Variants in CELSR3 observed in about 807,000 individuals in gnomAD.
CELSR3 encodes the protein cadherin EGF LAG seven-pass G-type receptor 3.
CELSR3 carries 73 observed loss-of-function variants against 270.0 expected under a neutral mutation model. The observed-to-expected ratio is 0.27, with a 90% CI of 0.22 to 0.33. CELSR3 has a LOEUF of 0.33. Ranked by LOEUF, CELSR3 falls within the 10% of genes least tolerant of loss-of-function variation. The pLI is 1.00. For synonymous variants in CELSR3, 1,780 were observed against 1,905.4 expected, an observed-to-expected ratio of 0.93 and a Z score of 1.71; for missense variants, 3,614 against 4,533.8, an observed-to-expected ratio of 0.80 and a Z score of 5.83.
At chr3:48,656,399 C>G (rs1354543614) in intron 2 of CELSR3, 34 bp from the exon 3 acceptor site, 10 of 1,388,144 alleles carry the variant, frequency 7.2e-6, no homozygotes, top group Non-Finnish European at 1.9e-6. Flanking sequence ...GGCGGTCACG[C>G]CCACGCCCGC....
In CELSR3 at chr3:48,640,037, T is replaced by A; in HGVS notation, c.9548A>T (p.Asp3183Val). ...CAGCGGCCGGGATGGCAAGAGGGGG[T>A]CCCTTGAGAGTTGCCGCTGGGGAGA... ...PLSPQRQLSR[D>V]PLLPSRPLDS... Residue 3183 changes from aspartate (D) to valine (V), a missense_variant, in exon 34 of 35, where the codon GAC (aspartate) becomes GTC (valine). Asp to Val is a radical substitution (Grantham distance 152). Coordinates refer to ENST00000164024, the MANE Select transcript of CELSR3 (RefSeq NM_001407.3). The surrounding 1 kb of genome is among the most constrained non-coding windows in gnomAD (Gnocchi z 7.5). 1 of 1,610,200 alleles carries A rather than the reference T, an allele frequency of 6.2e-7. No individual in the cohort carries two copies. Among genetic ancestry groups the A allele is most frequent in the Non-Finnish European group, 8.5e-7 (1 of 1,179,492 alleles).
chr3:48,650,745 G>C lies in CELSR3; in HGVS notation c.6370+147C>G. 1.9e-6 allele frequency: 2 copies of C among 1,062,456 alleles called. No individual in the cohort carries two copies. The highest frequency in any genetic ancestry group is 2.7e-6 in the Non-Finnish European group (2 of 742,174). 65.8% of individuals were successfully genotyped at this position (1,062,456 alleles called of 1,614,324 possible). On this transcript the variant is annotated intron_variant, in intron 15 of 34. Transcript: ENST00000164024. The surrounding 1 kb of genome is among the most constrained non-coding windows in gnomAD (Gnocchi z 5.1). ...TCTGTGACAGGTCAGCAAAGTACTT[G>C]GGGCAAAGGTAGGGTTCCCTGGGTG...
chr3:48,643,139 TA>T (rs2047045340), intron 28 of CELSR3, 56 bp from the exon 29 acceptor site: 1 of 1,179,242 alleles, frequency 8.5e-7, no homozygotes, highest in Admixed American at 1.7e-5. Context: ...GGGACCAGTA[TA>T]AGTCACTGTG....
At position 48,642,262 on chromosome 3, in the gene CELSR3, C is replaced by T; in HGVS notation, c.8665+96G>A. On this transcript the variant is annotated intron_variant, in intron 31 of 34. Transcript: ENST00000164024. The surrounding 1 kb of genome is among the most constrained non-coding windows in gnomAD (Gnocchi z 6.1). ...AGGGACCCTGGGGGAGATCGTCCCA[C>T]CCCAGTCAGCCACTGCTCCCAGTAT... is the stretch of plus-strand genomic sequence containing the variant. 1 of 1,339,034 alleles carries T rather than the reference C, an allele frequency of 7.5e-7. No homozygotes were observed. Among genetic ancestry groups the T allele is most frequent in the Non-Finnish European group, 1.0e-6 (1 of 982,990 alleles). The allele number at this position is 1,339,034 out of a possible 1,614,324, so 82.9% of individuals were successfully genotyped here.
Position 48,637,285 on chromosome 3 carries a change from C to T in CELSR3, c.*920G>A, listed in dbSNP as rs2046980043. On this transcript the variant is annotated 3_prime_UTR_variant, in exon 35 of 35. Coordinates refer to ENST00000164024, the MANE Select transcript of CELSR3 (RefSeq NM_001407.3). Reference sequence around the variant, plus strand: ...TAAACATAGGAGGCAGTGGCACCTACATTCTGGGTCTTGAATTCCCTTGTT... The same window carrying T: ...TAAACATAGGAGGCAGTGGCACCTATATTCTGGGTCTTGAATTCCCTTGTT... The T allele has an allele frequency of 6.6e-6, 1 of 152,622 alleles. No individual in the cohort carries two copies. Among genetic ancestry groups the T allele is most frequent in the Admixed American group, 6.5e-5 (1 of 15,282 alleles). The allele number at this position is 152,622 out of a possible 1,614,324, so 9.5% of individuals were successfully genotyped here. A position where few individuals can be genotyped will look rare whatever the true frequency, so the allele number is the denominator to read the frequency against.
Position 48,639,828 on chromosome 3 carries a change from A to C in CELSR3, c.9757T>G (p.Phe3253Val). 6.2e-7 allele frequency: 1 copy of C among 1,613,902 alleles called. No individual in the cohort carries two copies. Among genetic ancestry groups the C allele is most frequent in the Non-Finnish European group, 8.5e-7 (1 of 1,180,016 alleles). The part of the protein sequence containing the change: ...LDILSSILAS[F>V]NSSALSSVQS... ...ACAGAGGAGAGGGCCGAGGAGTTGA[A>C]AGAGGCAAGGATGGAGGAAAGAATG... The change falls in exon 34 of 35, where the codon TTC becomes GTC. Residue 3253 changes from phenylalanine to valine, a missense_variant. Coordinates refer to ENST00000164024, the MANE Select transcript of CELSR3 (RefSeq NM_001407.3). This position sits in a 1 kb window ranked among gnomAD's most constrained non-coding sequence, Gnocchi z 4.1.
chr3:48,648,631 G>T (rs1376931077), intron 18 of CELSR3, 88 bp downstream of exon 18: 3 of 1,483,560 alleles, frequency 2.0e-6, no homozygotes, highest in Non-Finnish European at 2.7e-6. Flanking sequence ...CTTCCCAAGA[G>T]AACAGCAGGA....
Position 48,655,927 on chromosome 3 carries a change from G to T in CELSR3, c.4626-76C>A. 1 of 1,264,130 alleles carries T rather than the reference G, an allele frequency of 7.9e-7. No homozygotes were observed. The allele number at this position is 1,264,130 out of a possible 1,614,324, so 78.3% of individuals were successfully genotyped here. On this transcript the variant is annotated intron_variant, in intron 3 of 34. Coordinates refer to ENST00000164024, the MANE Select transcript of CELSR3 (RefSeq NM_001407.3). The surrounding 1 kb of genome is among the most constrained non-coding windows in gnomAD (Gnocchi z 5.8). ...ACCACTTCACACCCACCATCCCTGC[G>T]AGGAGAAGGGGCTGGGGCGAGAGAG...
rs781059793 is a variant in CELSR3, at chr3:48,658,983, G to A, written c.3652C>T (p.Leu1218=). The A allele has an allele frequency of 6.2e-7, 1 of 1,614,220 alleles. No homozygotes were observed. ...CCACTGGTCTGGTTGACTACCAGCAGCTGCAGCTCATTGCCACGCTCAAAG... is the reference window on the plus strand; with the variant it reads ...CCACTGGTCTGGTTGACTACCAGCAACTGCAGCTCATTGCCACGCTCAAAG... ...YSFERGNELQ[L]LVVNQTSGEL... Residue 1218 remains leucine (L), a synonymous_variant, in exon 1 of 35, where the codon CTG becomes TTG. Coordinates refer to ENST00000164024, the MANE Select transcript of CELSR3 (RefSeq NM_001407.3). This position sits in a 1 kb window ranked among gnomAD's most constrained non-coding sequence, Gnocchi z 4.7.
Position 48,661,359 on chromosome 3 carries a change from G to C in CELSR3, c.1276C>G (p.Arg426Gly), listed in dbSNP as rs1450969334. ...TTMVAVTVAD[R>G]NDHSPVFEQA... Reference sequence around the variant, plus strand: ...TCAAAAACCGGCGAGTGGTCGTTGCGGTCGGCTACTGTCACGGCCACCATC... The same window carrying C: ...TCAAAAACCGGCGAGTGGTCGTTGCCGTCGGCTACTGTCACGGCCACCATC... Residue 426 changes from arginine (R) to glycine (G), a missense_variant, in exon 1 of 35, where the codon CGC becomes GGC. By Grantham distance (125) the Arg-to-Gly change is moderately radical. Coordinates refer to ENST00000164024, the MANE Select transcript of CELSR3 (RefSeq NM_001407.3). The C allele has an allele frequency of 3.1e-6, 5 of 1,612,870 alleles. No homozygotes were observed. The highest frequency in any genetic ancestry group is 1.3e-5 in the African/African-American group (1 of 74,920).
rs1022017866 is a variant in CELSR3, at chr3:48,654,747, G to T, written c.4989-295C>A. The stretch of plus-strand genomic sequence containing the variant: ...GAGACGTGAAGACTCTGGGGGACTG[G>T]ACATGAGATGAAGGGACTCGGAGGG... On this transcript the variant is annotated intron_variant, in intron 6 of 34. Transcript: ENST00000164024. The surrounding 1 kb of genome is among the most constrained non-coding windows in gnomAD (Gnocchi z 5.4). 1.3e-5 allele frequency among the ~76,000 whole-genome samples: 2 copies of T among 151,954 alleles called. No homozygotes were observed. Among genetic ancestry groups the T allele is most frequent in the Non-Finnish European group, 2.9e-5 (2 of 67,982 alleles).
chr3:48,656,890 G>A lies in CELSR3; in HGVS notation c.4207C>T (p.Leu1403=), dbSNP rs2077027034. The A allele has an allele frequency of 1.2e-6, 2 of 1,609,440 alleles. No homozygotes were observed. Among genetic ancestry groups the A allele is most frequent in the Middle Eastern group, 1.7e-4 (1 of 6,056 alleles). The change falls in exon 2 of 35, where the codon CTG becomes TTG. Residue 1403 remains leucine, a synonymous_variant. Coordinates refer to ENST00000164024, the MANE Select transcript of CELSR3 (RefSeq NM_001407.3). ...VLRFDSSAPF[L]ASASTLFRPI... ...CGGAACAGCGTGGAGGCCGAGGCCA[G>A]GAAGGGCGCGGACGAGTCAAAGCGG... is the stretch of plus-strand genomic sequence containing the variant.
Position 48,640,527 on chromosome 3 carries a change from C to T in CELSR3, c.9058G>A (p.Val3020Met). 6.3e-7 allele frequency: 1 copy of T among 1,599,190 alleles called. No homozygotes were observed. The highest frequency in any genetic ancestry group is 1.1e-5 in the South Asian group (1 of 90,512). The change falls in exon 34 of 35, where the codon GTG (valine) becomes ATG (methionine). Residue 3020 changes from valine (V) to methionine (M), a missense_variant. This residue lies in a region of CELSR3 where 1,240 missense variants were observed against 1,351.7 expected (regional missense o/e 0.92). Transcript: ENST00000164024. The surrounding 1 kb of genome is among the most constrained non-coding windows in gnomAD (Gnocchi z 7.5). Reference protein sequence around the residue: ...ILKNRLQYPLVPQTRGAPELS... With the variant: ...ILKNRLQYPLMPQTRGAPELS... ...TCAGGGGCACCTCGGGTCTGTGGCA[C>T]CAGTGGGTATTGCAACCGGTTCTTC...
At position 48,662,694 on chromosome 3, in the gene CELSR3, CCCG is replaced by C; in HGVS notation, c.-63_-61del. ...GCCCCGGTCCGGGCCTTGGGCTGGC[CCCG>C]CCGCTCGGGCCCCCTCCCGGGCCCC... On this transcript the variant is annotated 5_prime_UTR_variant, in exon 1 of 35. Transcript: ENST00000164024. The surrounding 1 kb of genome is among the most constrained non-coding windows in gnomAD (Gnocchi z 7.1). 1 of 813,498 alleles carries C rather than the reference CCCG, an allele frequency of 1.2e-6. No homozygotes were observed. Among genetic ancestry groups the C allele is most frequent in the Non-Finnish European group, 1.7e-6 (1 of 598,600 alleles). The allele number at this position is 813,498 out of a possible 1,614,324, so 50.4% of individuals were successfully genotyped here.
chr3:48,660,956 G>A lies in CELSR3; in HGVS notation c.1679C>T (p.Pro560Leu), dbSNP rs989783935. Residue 560 changes from proline to leucine, a missense_variant, in exon 1 of 35, where the codon CCC becomes CTC. This residue lies in a region of CELSR3 where 354 missense variants were observed against 500.9 expected (regional missense o/e 0.71). Transcript: ENST00000164024. This position sits in a 1 kb window ranked among gnomAD's most constrained non-coding sequence, Gnocchi z 5.5. Reference protein sequence around the residue: ...YVAQVREDVRPHTVVLRVTAT... With the variant: ...YVAQVREDVRLHTVVLRVTAT... ...CGTGACGCGCAGCACGACTGTGTGG[G>A]GGCGCACATCCTCGCGCACCTGCGC... is the stretch of plus-strand genomic sequence containing the variant. The A allele has an allele frequency of 1.9e-6, 3 of 1,613,794 alleles. No individual in the cohort carries two copies. The highest frequency in any genetic ancestry group is 2.5e-6 in the Non-Finnish European group (3 of 1,180,050).
Position 48,656,683 on chromosome 3 carries a change from C to T in CELSR3, c.4399+15G>A. 2.0e-6 allele frequency: 3 copies of T among 1,469,132 alleles called. No homozygotes were observed. The highest frequency in any genetic ancestry group is 1.4e-5 in the South Asian group (1 of 71,328). The allele number at this position is 1,469,132 out of a possible 1,614,324, so 91.0% of individuals were successfully genotyped here. On this transcript the variant is annotated intron_variant, in intron 2 of 34. Coordinates refer to ENST00000164024, the MANE Select transcript of CELSR3 (RefSeq NM_001407.3). Reference sequence around the variant, plus strand: ...GCCCGTGCTTCCCCCAGCTCTGGCCCGGCGCCCTGCTCACCGGTGAAGCGC... The same window carrying T: ...GCCCGTGCTTCCCCCAGCTCTGGCCTGGCGCCCTGCTCACCGGTGAAGCGC...
Position 48,660,804 on chromosome 3 carries a change from C to G in CELSR3, c.1831G>C (p.Glu611Gln), listed in dbSNP as rs753184369. The change falls in exon 1 of 35, where the codon GAG becomes CAG. Residue 611 changes from glutamate to glutamine, a missense_variant. Transcript: ENST00000164024. This position sits in a 1 kb window ranked among gnomAD's most constrained non-coding sequence, Gnocchi z 5.5. ...EIQVVAPLDF[E>Q]AEREYALRIR... ...CGCAAGGCATACTCTCTCTCTGCCT[C>G]GAAGTCCAGAGGTGCCACCACCTGG... The G allele has an allele frequency of 6.2e-7, 1 of 1,614,112 alleles. No individual in the cohort carries two copies. The highest frequency in any genetic ancestry group is 2.2e-5 in the East Asian group (1 of 44,886).
At position 48,640,155 on chromosome 3, in the gene CELSR3, G is replaced by A. The variant is rs1160537009; in HGVS notation, c.9430C>T (p.Leu3144Phe). The A allele has an allele frequency of 1.9e-6, 3 of 1,612,512 alleles. No homozygotes were observed. Among genetic ancestry groups the A allele is most frequent in the Non-Finnish European group, 2.5e-6 (3 of 1,179,946 alleles). Residue 3144 changes from leucine (L) to phenylalanine (F), a missense_variant, in exon 34 of 35, where the codon CTC becomes TTC. Coordinates refer to ENST00000164024, the MANE Select transcript of CELSR3 (RefSeq NM_001407.3). The surrounding 1 kb of genome is among the most constrained non-coding windows in gnomAD (Gnocchi z 7.5). ...MAGRFGSRDA[L>F]DLGAPREWLS... is the part of the protein sequence containing the mutation. ...CACTCTCGAGGTGCCCCTAAGTCGA[G>A]CGCATCCCGTGACCCGAAGCGGCCA...
chr3:48,652,556 G>A lies in CELSR3; in HGVS notation c.5635-3C>T. 5.0e-6 allele frequency: 8 copies of A among 1,603,254 alleles called. No individual in the cohort carries two copies. The highest frequency in any genetic ancestry group is 6.8e-6 in the Non-Finnish European group (8 of 1,174,038). ...TCACTCCCCACCGCCATGGTGTCCT[G>A]GAGGAAGTGGGGCAGTCAGCACTGA... On this transcript the variant is annotated splice_polypyrimidine_tract_variant and splice_region_variant and intron_variant, in intron 10 of 34. Coordinates refer to ENST00000164024, the MANE Select transcript of CELSR3 (RefSeq NM_001407.3). This position sits in a 1 kb window ranked among gnomAD's most constrained non-coding sequence, Gnocchi z 4.3.
Sources: gnomAD v4.1 joint callset for allele counts (sites outside exome capture counted in the v4.1 genomes callset) on GRCh38, gnomAD v4.1.1 for gene constraint, gnomAD v4.1.1 regional missense constraint, Gnocchi (gnomAD v3.1) non-coding constraint, MANE v1.5 for transcripts, NCBI Gene and HGNC (gene_info 2026-07-23, HGNC 2026-07-21) for gene names.